The following CNBD1 variants were observed in gnomAD, a reference collection of about 807,000 sequenced individuals.
CNBD1 encodes cyclic nucleotide binding domain containing 1.
In CNBD1, 71 loss-of-function variants were observed where a neutral mutation model predicts 54.4. The observed-to-expected ratio is 1.30, with a 90% CI of 1.08 to 1.59. CNBD1 has a LOEUF of 1.59. Ranked by LOEUF, CNBD1 falls within the 40% of genes most tolerant of loss-of-function variation. CNBD1 has a pLI of 0.00. For missense variants in CNBD1, 659 were observed against 518.0 expected, an observed-to-expected ratio of 1.27 and a Z score of -2.64; for synonymous variants, 182 against 170.7, an observed-to-expected ratio of 1.07 and a Z score of -0.51.
intron 4 of CNBD1, among the ~76,000 whole-genome samples, chr8:87,195,496 G>A (rs1035008196): frequency 1.1e-4 from 16 of 151,152 alleles, no homozygotes; most frequent in Admixed American, 1.3e-4. Context: ...CCAAAGTGCT[G>A]GGATTACAGG....
chr8:87,396,206 G>T (rs1247722850), intron 2 of CNBD1, among the ~76,000 whole-genome samples: 1 of 151,848 alleles, frequency 6.6e-6, no homozygotes, highest in Non-Finnish European at 1.5e-5. Flanking sequence ...TCCTTCCTTA[G>T]GACCATTGTG....
At chr8:87,415,960 A>T (rs985186322) in intron 2 of CNBD1, among the ~76,000 whole-genome samples, 6 of 151,840 alleles carry the variant, frequency 4.0e-5, no homozygotes, top group Non-Finnish European at 8.8e-5. Flanking sequence ...TAAAGTTTTT[A>T]AAAAAATCAT....
chr8:87,195,408 A>C (rs934595391), intron 4 of CNBD1, among the ~76,000 whole-genome samples: 37 of 151,364 alleles, frequency 2.4e-4, no homozygotes, highest in African/African-American at 8.7e-4. Context: ...TTGTAGTTTT[A>C]GTAGAGACAG....
At chr8:87,111,564 C>T (rs1357952646) in intron 4 of CNBD1, among the ~76,000 whole-genome samples, 1 of 152,170 alleles carries the variant, frequency 6.6e-6, no homozygotes, top group Non-Finnish European at 1.5e-5. Flanking sequence ...GATCTGACCT[C>T]TCTCAGTTGA....
chr8:87,371,029 G>C (rs1477194957), intron 10 of CNBD1, among the ~76,000 whole-genome samples: 1 of 150,502 alleles, frequency 6.6e-6, no homozygotes, highest in Non-Finnish European at 1.5e-5. Flanking sequence ...TCAAAGATCA[G>C]ATAGTTGTAG....
intron 8 of CNBD1, among the ~76,000 whole-genome samples, chr8:87,302,363 T>C (rs1459498925): frequency 1.3e-5 from 2 of 152,082 alleles, no homozygotes; most frequent in African/African-American, 4.8e-5. Flanking sequence ...TAATCCAGCA[T>C]AGAAACAGAA....
rs183673891 is a variant in CNBD1 at position 86,926,448 on chromosome 8, C to A, written c.273-13148C>A. Among the ~76,000 whole-genome samples, 14 of 152,196 alleles carry A rather than the reference C, an allele frequency of 9.2e-5. No homozygotes were observed. In the East Asian group the frequency reaches 2.7e-3, roughly 29 times the overall value. On this transcript the variant is annotated intron_variant, in intron 3 of 10. Transcript: ENST00000518476. ...TTGATGGCCTTGATCCTGGGGGAAA[C>A]AAATTTGACAAGGAGGTTAAAAATA...
At chr8:87,424,957 C>T (rs562733454) in intron 2 of CNBD1, among the ~76,000 whole-genome samples, 25 of 152,240 alleles carry the variant, frequency 1.6e-4, no homozygotes, top group African/African-American at 6.0e-4. Flanking sequence ...TTCAGGTACA[C>T]CAATCAGACG....
At chr8:87,423,778 A>T (rs935253804) in intron 2 of CNBD1, among the ~76,000 whole-genome samples, 2 of 152,006 alleles carry the variant, frequency 1.3e-5, no homozygotes, top group Admixed American at 1.3e-4. Flanking sequence ...TATCAGAATG[A>T]TGCTGGCCTC....
chr8:87,284,839 T>C (rs377515272), intron 7 of CNBD1, 24 bp downstream of exon 7: 2 of 1,506,204 alleles, frequency 1.3e-6, no homozygotes, highest in African/African-American at 1.4e-5. Context: ...TAATATTTTA[T>C]ATAAACAAAA....
rs184772064 is a variant in CNBD1, at chr8:87,107,147, A to G, written c.432-98846A>G. ...CCGGCCTGTTTTTATGTTTTTATATACTTTTCACTGATGTCTTAAAAGTAG... is the reference window on the plus strand; with the variant it reads ...CCGGCCTGTTTTTATGTTTTTATATGCTTTTCACTGATGTCTTAAAAGTAG... On this transcript the variant is annotated intron_variant, in intron 4 of 10. Coordinates refer to ENST00000518476, the MANE Select transcript of CNBD1 (RefSeq NM_173538.3). Among the ~76,000 whole-genome samples, 16 of 152,214 alleles carry G rather than the reference A, an allele frequency of 1.1e-4. 1 individual carries two copies. The East Asian group carries it at 3.1e-3, about 29-fold the overall frequency.
chr8:87,358,800 C>T (rs1810471773), intron 10 of CNBD1, among the ~76,000 whole-genome samples: 1 of 152,074 alleles, frequency 6.6e-6, no homozygotes, highest in East Asian at 1.9e-4. Context: ...AGACAGGAGG[C>T]AGTTGTATTA....
chr8:86,945,188 T>TGGAA (rs1207724130), intron 4 of CNBD1, among the ~76,000 whole-genome samples: 1 of 152,188 alleles, frequency 6.6e-6, no homozygotes, highest in African/African-American at 2.4e-5. Flanking sequence ...GTGGGAGCTG[T>TGGAA]GGAAAGGGTA....
chr8:87,060,079 C>T (rs969950529), intron 4 of CNBD1, among the ~76,000 whole-genome samples: 7 of 152,176 alleles, frequency 4.6e-5, no homozygotes, highest in Admixed American at 3.3e-4. Context: ...CTTCACTGGC[C>T]ACACAGATGC....
At chr8:87,016,029 C>T (rs1809349425) in intron 4 of CNBD1, among the ~76,000 whole-genome samples, 1 of 147,290 alleles carries the variant, frequency 6.8e-6, no homozygotes, top group African/African-American at 2.5e-5. Context: ...AGCTGTTATA[C>T]CTCTATCTTT....
intron 4 of CNBD1, among the ~76,000 whole-genome samples, chr8:87,010,102 T>C (rs1311095908): frequency 6.6e-6 from 1 of 152,202 alleles, no homozygotes; most frequent in African/African-American, 2.4e-5. Flanking sequence ...ATTTGTTGTT[T>C]CTTGATCCTT....
At chr8:86,916,888 TG>T (rs1214998952) in intron 3 of CNBD1, among the ~76,000 whole-genome samples, 29 of 150,572 alleles carry the variant, frequency 1.9e-4, no homozygotes, top group African/African-American at 6.3e-4. Context: ...TTTTTTTTTT[TG>T]AGACAAGATC....
At chr8:86,959,210 A>G (rs1807863964) in intron 4 of CNBD1, among the ~76,000 whole-genome samples, 1 of 152,226 alleles carries the variant, frequency 6.6e-6, no homozygotes, top group Non-Finnish European at 1.5e-5. Context: ...GTTTCTGCCA[A>G]GAGATCCACT....
chr8:86,925,825 G>A (rs538185292), intron 3 of CNBD1, among the ~76,000 whole-genome samples: 24 of 151,756 alleles, frequency 1.6e-4, no homozygotes, highest in South Asian at 6.2e-4. Context: ...TCGTAGTCTC[G>A]CTGACTTCAA....
Sources: gnomAD v4.1 joint callset for allele counts (sites outside exome capture counted in the v4.1 genomes callset) on GRCh38, gnomAD v4.1.1 for gene constraint, MANE v1.5 for transcripts, NCBI Gene and HGNC (gene_info 2026-07-23, HGNC 2026-07-21) for gene names.